Variants in CD99 observed in about 807,000 individuals in gnomAD.
The protein encoded by CD99 is CD99 antigen.
CD99 carries 19 observed loss-of-function variants against 28.4 expected under a neutral mutation model. The observed-to-expected ratio is 0.67, with a 90% CI of 0.47 to 0.98. The LOEUF is 0.98. Ranked by LOEUF, CD99 falls within the 50% of genes least tolerant of loss-of-function variation. CD99 has a pLI of 0.00. For missense variants in CD99, 283 were observed against 248.8 expected, an observed-to-expected ratio of 1.14 and a Z score of -0.92; for synonymous variants, 103 against 92.1, an observed-to-expected ratio of 1.12 and a Z score of -0.67.
chrX:2,728,415 C>T (rs933037715), intron 8 of CD99, among the ~76,000 whole-genome samples: 13 of 151,956 alleles, frequency 8.6e-5, no homozygotes, highest in African/African-American at 1.4e-4. Flanking sequence ...AGGCTGGTCT[C>T]GAACTCCTGA....
intron 8 of CD99, among the ~76,000 whole-genome samples, chrX:2,726,613 T>C (rs1174788182): frequency 6.6e-6 from 1 of 152,150 alleles, no homozygotes; most frequent in African/African-American, 2.4e-5. Flanking sequence ...CTTGGGTTGT[T>C]TACGTCTACC....
At chrX:2,721,038 G>T (rs1256164429) in intron 5 of CD99, among the ~76,000 whole-genome samples, 1 of 152,120 alleles carries the variant, frequency 6.6e-6, no homozygotes, top group Non-Finnish European at 1.5e-5. Flanking sequence ...CACATTCCTT[G>T]TGGAGAAGCT....
chrX:2,708,556 C>A (rs1462565495), intron 1 of CD99, among the ~76,000 whole-genome samples: 2 of 152,112 alleles, frequency 1.3e-5, no homozygotes. Context: ...CTTCAGGCAT[C>A]CTGGAGTGAC....
intron 5 of CD99, among the ~76,000 whole-genome samples, chrX:2,720,921 T>C (rs968150969): frequency 6.6e-6 from 1 of 152,188 alleles, no homozygotes; most frequent in Non-Finnish European, 1.5e-5. Flanking sequence ...CCACTGTGCC[T>C]GGACTAGTTT....
chrX:2,719,547 C>T, intron 3 of CD99, 114 bp from the exon 4 acceptor site: 1 of 841,972 alleles, frequency 1.2e-6, no homozygotes. Context: ...AGCTGATATT[C>T]AGAAAAGTAT....
intron 7 of CD99, among the ~76,000 whole-genome samples, chrX:2,724,834 G>T (rs1244425633): frequency 2.0e-5 from 3 of 151,398 alleles, no homozygotes; most frequent in Non-Finnish European, 4.4e-5. Context: ...GGAAGCAGAG[G>T]CTGCAGTGAG....
chrX:2,691,520 G>A, intron 1 of CD99, 93 bp downstream of exon 1: 2 of 1,372,626 alleles, frequency 1.5e-6, no homozygotes, highest in Middle Eastern at 2.0e-4. Context: ...GGCGCCCCGC[G>A]GGGACACCCG....
Position 2,724,020 on chromosome X carries a change from GGGAA to G in CD99, c.361+667_361+670del, listed in dbSNP as rs1007405652. On this transcript the variant is annotated intron_variant, in intron 7 of 9. Transcript: ENST00000381192. ...AGAGAAGGAAGGAAGGAGGGAAGAA[GGGAA>G]GGAAGGAAGGGAGGAAAAGTGGGTA... Among the ~76,000 whole-genome samples, 64 of 138,040 alleles carry G rather than the reference GGGAA, an allele frequency of 4.6e-4. 3 individuals carry two copies. The highest frequency in any genetic ancestry group is 1.8e-3 in the African/African-American group (60 of 33,804). The allele number at this position is 138,040 out of a possible 152,430, so 90.6% of individuals were successfully genotyped here.
At chrX:2,710,347 C>G (rs1396219206) in intron 1 of CD99, among the ~76,000 whole-genome samples, 1 of 152,112 alleles carries the variant, frequency 6.6e-6, no homozygotes, top group Non-Finnish European at 1.5e-5. Context: ...TGAGTATTTC[C>G]TGAAGCTTGG....
intron 1 of CD99, among the ~76,000 whole-genome samples, chrX:2,711,394 ATATAG>A (rs1178535223): frequency 7.4e-6 from 1 of 134,842 alleles, no homozygotes; most frequent in Non-Finnish European, 1.6e-5. Flanking sequence ...GTATGTGTAT[ATATAG>A]TATGTGTGTG....
chrX:2,717,594 TATCTC>T lies in CD99; in HGVS notation c.101-10_101-6del, dbSNP rs2048791131. ...GCAACTTTTACTAACTGAAATATCTTATCTCTTTAGACAATGAAAACAAGAAACCC... is the reference window on the plus strand; with the variant it reads ...GCAACTTTTACTAACTGAAATATCTTTTTAGACAATGAAAACAAGAAACCC... On this transcript the variant is annotated splice_polypyrimidine_tract_variant and splice_region_variant and intron_variant, in intron 2 of 9. Coordinates refer to ENST00000381192, the MANE Select transcript of CD99 (RefSeq NM_002414.5). 1 of 1,611,262 alleles carries T rather than the reference TATCTC, an allele frequency of 6.2e-7. No homozygotes were observed. Among genetic ancestry groups the T allele is most frequent in the East Asian group, 2.2e-5 (1 of 44,882 alleles).
chrX:2,699,401 G>C (rs957774505), intron 1 of CD99, among the ~76,000 whole-genome samples: 1 of 150,394 alleles, frequency 6.6e-6, no homozygotes, highest in Non-Finnish European at 1.5e-5. Context: ...AACTCCTGAC[G>C]TCGTGATCTG....
chrX:2,734,612 T>C (rs1012053523), intron 8 of CD99, among the ~76,000 whole-genome samples: 1 of 150,918 alleles, frequency 6.6e-6, no homozygotes, highest in South Asian at 2.1e-4. Context: ...TGGCCCTTTT[T>C]CTTTTTTCTT....
intron 2 of CD99, chrX:2,715,201 C>G (rs1167850838): frequency 8.2e-6 from 1 of 122,522 alleles, no homozygotes; most frequent in Non-Finnish European, 1.9e-5. Context: ...GGAATTCCGT[C>G]TTATCACTCT....
intron 1 of CD99, among the ~76,000 whole-genome samples, chrX:2,698,155 G>A (rs1454305895): frequency 6.6e-6 from 1 of 151,468 alleles, no homozygotes; most frequent in African/African-American, 2.4e-5. Flanking sequence ...TCACCGGGCA[G>A]TGGCTTGCAA....
At chrX:2,736,201 CAAA>C (rs748847590) in intron 8 of CD99, among the ~76,000 whole-genome samples, 10 of 80,368 alleles carry the variant, frequency 1.2e-4, no homozygotes, top group Admixed American at 4.4e-4. Flanking sequence ...GACTCTGTCT[CAAA>C]AAAAAAAAAA....
At chrX:2,733,625 G>T in intron 8 of CD99, 1 of 527,732 alleles carries the variant, frequency 1.9e-6, no homozygotes, top group African/African-American at 1.9e-5. Context: ...AGAAAATGAA[G>T]AGAAATGCAG....
chrX:2,720,324 T>G, intron 4 of CD99, 32 bp from the exon 5 acceptor site: 2 of 1,609,198 alleles, frequency 1.2e-6, no homozygotes, highest in Non-Finnish European at 1.7e-6. Flanking sequence ...TGCAAGGCAC[T>G]TAAAATTGCA....
chrX:2,713,231 CAG>C (rs1490629009), intron 1 of CD99, among the ~76,000 whole-genome samples: 7 of 151,700 alleles, frequency 4.6e-5, no homozygotes. Flanking sequence ...CATAGGCACA[CAG>C]AAACACACCT....
Sources: allele counts gnomAD v4.1 joint callset (sites outside exome capture counted in the v4.1 genomes callset), GRCh38; gene constraint gnomAD v4.1.1; transcripts MANE v1.5; gene names NCBI Gene and HGNC (gene_info 2026-07-23, HGNC 2026-07-21).